Variants in TMEM178B observed in about 807,000 individuals in gnomAD.
The protein encoded by TMEM178B is transmembrane protein 178B.
Under a neutral mutation model 31.0 loss-of-function variants are expected in TMEM178B, and 5 were observed. The ratio of observed to expected loss-of-function variants is 0.16; its 90% CI spans 0.08 to 0.34. TMEM178B has a LOEUF of 0.34. TMEM178B is among the 10% of genes least tolerant of loss of function. TMEM178B has a pLI of 1.00. For synonymous variants in TMEM178B, 164 were observed against 164.0 expected (o/e 1.00, Z 0.00); for missense variants, 275 against 400.3 (o/e 0.69, Z 2.67).
At chr7:141,225,259 C>T (rs968447483) in intron 2 of TMEM178B, among the ~76,000 whole-genome samples, 2 of 152,160 alleles carry the variant, frequency 1.3e-5, no homozygotes, top group African/African-American at 4.8e-5. Context: ...TCCCAAAGGA[C>T]CTCCCTGCTC....
intron 1 of TMEM178B, among the ~76,000 whole-genome samples, chr7:141,177,224 GT>G (rs1796448882): frequency 6.6e-6 from 1 of 152,136 alleles, no homozygotes; most frequent in Non-Finnish European, 1.5e-5. Flanking sequence ...TCAGGAGCAG[GT>G]TGTTCAGTTT....
chr7:141,430,651 C>T (rs1372677055), intron 2 of TMEM178B, among the ~76,000 whole-genome samples: 1 of 152,154 alleles, frequency 6.6e-6, no homozygotes, highest in Non-Finnish European at 1.5e-5. Flanking sequence ...CCACTTCCTT[C>T]AGAGGTGGTT....
intron 1 of TMEM178B, among the ~76,000 whole-genome samples, chr7:141,148,068 C>T (rs1236403789): frequency 6.6e-6 from 1 of 152,116 alleles, no homozygotes; most frequent in Non-Finnish European, 1.5e-5. Flanking sequence ...AATCAGGGTG[C>T]GAGCAGAGCT....
At chr7:141,458,164 G>T (rs1346589823) in intron 3 of TMEM178B, among the ~76,000 whole-genome samples, 1 of 152,172 alleles carries the variant, frequency 6.6e-6, no homozygotes, top group Admixed American at 6.5e-5. Context: ...CTGTAGCCCA[G>T]GCTGGAGTGC....
At chr7:141,109,911 A>T (rs1182934849) in intron 1 of TMEM178B, among the ~76,000 whole-genome samples, 1 of 152,148 alleles carries the variant, frequency 6.6e-6, no homozygotes, top group Non-Finnish European at 1.5e-5. Flanking sequence ...ATGGCACTCC[A>T]GCCTGGGTGA....
rs531895234 is a variant in TMEM178B at position 141,102,721 on chromosome 7, T to A, written c.382+28029T>A. ...TGTCGATCTAGAGGAGTACAGTGTA[T>A]TTTAATCAAGCCCCAAGGCAGCTCT... is the stretch of plus-strand genomic sequence containing the variant. On this transcript the variant is annotated intron_variant, in intron 1 of 3. Coordinates refer to ENST00000565468, the MANE Select transcript of TMEM178B (RefSeq NM_001195278.2). 5.3e-5 allele frequency among the ~76,000 whole-genome samples: 8 copies of A among 152,350 alleles called. No homozygotes were observed. In the East Asian group the frequency reaches 1.2e-3, roughly 22 times the overall value.
At chr7:141,464,162 G>T (rs1376797188) in intron 3 of TMEM178B, among the ~76,000 whole-genome samples, 1 of 152,138 alleles carries the variant, frequency 6.6e-6, no homozygotes, top group African/African-American at 2.4e-5. Flanking sequence ...GGACAATGGG[G>T]CACTGAGATG....
intron 1 of TMEM178B, among the ~76,000 whole-genome samples, chr7:141,131,937 CT>C (rs1220590107): frequency 6.6e-6 from 1 of 152,116 alleles, no homozygotes; most frequent in Admixed American, 6.6e-5. Flanking sequence ...TGCTCTGCAG[CT>C]TTACCAGCAT....
chr7:141,370,109 C>T (rs969859264), intron 2 of TMEM178B, among the ~76,000 whole-genome samples: 3 of 130,394 alleles, frequency 2.3e-5, no homozygotes, highest in Admixed American at 7.6e-5. Flanking sequence ...CCGGGAGGAA[C>T]CCCCCAAGTG....
intron 1 of TMEM178B, among the ~76,000 whole-genome samples, chr7:141,142,508 T>C (rs916475234): frequency 6.6e-6 from 1 of 151,744 alleles, no homozygotes; most frequent in Non-Finnish European, 1.5e-5. Flanking sequence ...CCCAGGTTCA[T>C]GCCATTGTCC....
chr7:141,254,478 A>G (rs1797890316), intron 2 of TMEM178B, among the ~76,000 whole-genome samples: 1 of 151,992 alleles, frequency 6.6e-6, no homozygotes, highest in Non-Finnish European at 1.5e-5. Context: ...AGCACTCTGG[A>G]AGGCCGAGGC....
intron 2 of TMEM178B, among the ~76,000 whole-genome samples, chr7:141,423,742 C>T (rs1402494002): frequency 3.3e-5 from 5 of 151,722 alleles, no homozygotes; most frequent in Non-Finnish European, 4.4e-5. Flanking sequence ...ATGCTTTGTT[C>T]CCATGGACCT....
chr7:141,283,904 G>T (rs1798403153), intron 2 of TMEM178B, among the ~76,000 whole-genome samples: 1 of 152,196 alleles, frequency 6.6e-6, no homozygotes, highest in African/African-American at 2.4e-5. Flanking sequence ...GAGGGACCTG[G>T]CAGCAGAATC....
At chr7:141,113,672 A>C (rs17161914) in intron 1 of TMEM178B, among the ~76,000 whole-genome samples, 10,426 of 152,022 alleles carry the variant, frequency 0.069, 417 homozygotes, top group South Asian at 0.2. Context: ...CTTGATGTCT[A>C]CCTTGCAGTG....
At chr7:141,320,459 G>A (rs548928725) in intron 2 of TMEM178B, among the ~76,000 whole-genome samples, 1 of 152,212 alleles carries the variant, frequency 6.6e-6, no homozygotes, top group South Asian at 2.1e-4. Flanking sequence ...GCAGAAACAT[G>A]ACTCAGGATT....
chr7:141,147,769 GGAT>G (rs1488508153), intron 1 of TMEM178B, among the ~76,000 whole-genome samples: 8 of 152,196 alleles, frequency 5.3e-5, no homozygotes, highest in African/African-American at 7.2e-5. Context: ...ATTGAGCTGA[GGAT>G]GTATTGAGTT....
In TMEM178B at chr7:141,289,871, A is replaced by T. The variant is rs77811369; in HGVS notation, c.496+77167A>T. ...CAAAGTTGGCCAGGCATGGTAGCTC[A>T]TGCCTATAATCCCAGTGCTTTGGGA... On this transcript the variant is annotated intron_variant, in intron 2 of 3. Coordinates refer to ENST00000565468, the MANE Select transcript of TMEM178B (RefSeq NM_001195278.2). 7.9e-5 allele frequency among the ~76,000 whole-genome samples: 12 copies of T among 152,230 alleles called. No homozygotes were observed. The East Asian group carries it at 2.3e-3, about 29-fold the overall frequency.
intron 2 of TMEM178B, among the ~76,000 whole-genome samples, chr7:141,428,511 ACT>A (rs1355955019): frequency 2.6e-5 from 4 of 152,148 alleles, no homozygotes. Context: ...GCAGCGTTTA[ACT>A]GGTATATGAC....
At chr7:141,190,955 G>A (rs570983602) in intron 1 of TMEM178B, among the ~76,000 whole-genome samples, 19 of 151,758 alleles carry the variant, frequency 1.3e-4, no homozygotes, top group Non-Finnish European at 2.4e-4. Flanking sequence ...ACTTAACATC[G>A]TCAATAGGTT....
Sources: gnomAD v4.1 joint callset for allele counts (sites outside exome capture counted in the v4.1 genomes callset) on GRCh38, gnomAD v4.1.1 for gene constraint, MANE v1.5 for transcripts, NCBI Gene and HGNC (gene_info 2026-07-23, HGNC 2026-07-21) for gene names.